MID1: variants seen among roughly 807,000 people sequenced by gnomAD.
MID1 encodes the protein midline 1.
In MID1, 7 loss-of-function variants were observed where a neutral mutation model predicts 40.4. That is an observed-to-expected ratio of 0.17 (90% confidence interval 0.10 to 0.33). MID1 has a LOEUF of 0.33. Among genes scored for constraint, MID1 ranks in the 10% least tolerant of loss-of-function variants. MID1 has a pLI of 1.00. For missense variants in MID1, 367 were observed against 558.5 expected (o/e 0.66, Z 3.46); for synonymous variants, 229 against 221.2 (o/e 1.04, Z -0.31).
At chrX:10,756,311 C>T (rs962481272) in intron 1 of MID1, among the ~76,000 whole-genome samples, 5 of 112,196 alleles carry the variant, frequency 4.5e-5, no homozygotes, top group African/African-American at 1.6e-4. Context: ...CATACACAAG[C>T]GAGCAATGAA....
chrX:10,508,795 A>T (rs944906968), intron 3 of MID1, among the ~76,000 whole-genome samples: 35 of 112,026 alleles, frequency 3.1e-4, no homozygotes, highest in African/African-American at 9.7e-5. Flanking sequence ...GGAGACAGAA[A>T]TACCGAAGCC....
rs185045135 is a variant in MID1 at position 10,489,738 on chromosome X, C to T, written c.864+5846G>A. On this transcript the variant is annotated intron_variant, in intron 4 of 9. Coordinates refer to ENST00000317552, the MANE Select transcript of MID1 (RefSeq NM_000381.4). Reference sequence around the variant, plus strand: ...TGAGACAGAGTCTCTCTCTGTCGCCCGGGCCGGAGTGCAGTGGCGCAATCT... The same window carrying T: ...TGAGACAGAGTCTCTCTCTGTCGCCTGGGCCGGAGTGCAGTGGCGCAATCT... 2.7e-4 allele frequency among the ~76,000 whole-genome samples: 29 copies of T among 105,660 alleles called. 1 individual carries two copies. Among genetic ancestry groups the T allele is most frequent in the Admixed American group, 2.3e-3 (23 of 9,980 alleles). The allele number at this position is 105,660 out of a possible 115,157, so 91.8% of individuals were successfully genotyped here. A position where few individuals can be genotyped will look rare whatever the true frequency, so the allele number is the denominator to read the frequency against.
At position 10,446,137 on chromosome X, in the gene MID1, G is replaced by T. The variant is rs1928028740; in HGVS notation, c.*3231C>A. The T allele has an allele frequency of 9.0e-6, 1 of 111,180 alleles. No individual in the cohort carries two copies. The highest frequency in any genetic ancestry group is 1.9e-5 in the Non-Finnish European group (1 of 53,023). 9.2% of individuals were successfully genotyped at this position (111,180 alleles called of 1,213,427 possible). A position where few individuals can be genotyped will look rare whatever the true frequency, so the allele number is the denominator to read the frequency against. On this transcript the variant is annotated 3_prime_UTR_variant, in exon 10 of 10. Transcript: ENST00000317552. The stretch of plus-strand genomic sequence containing the variant: ...ATTGCATTGCCAAATGTCTCCTGGG[G>T]GGCAAAATCGAGCACTGGTTGAGAA...
At chrX:10,668,507 T>C (rs1304815261) in intron 1 of MID1, among the ~76,000 whole-genome samples, 1 of 112,417 alleles carries the variant, frequency 8.9e-6, no homozygotes. Context: ...AAAAGACGGA[T>C]GATTTCCTTT....
At chrX:10,747,996 A>G (rs935060759) in intron 1 of MID1, among the ~76,000 whole-genome samples, 6 of 110,704 alleles carry the variant, frequency 5.4e-5, no homozygotes. Flanking sequence ...TAGGCATGTC[A>G]ATTTTCAATC....
At chrX:10,548,768 T>G (rs1443713989) in intron 2 of MID1, among the ~76,000 whole-genome samples, 1 of 111,734 alleles carries the variant, frequency 8.9e-6, no homozygotes, top group Non-Finnish European at 1.9e-5. Flanking sequence ...GTGATGGCTT[T>G]CTTTCCACTT....
chrX:10,615,557 T>C (rs1935825289), intron 1 of MID1, among the ~76,000 whole-genome samples: 1 of 111,685 alleles, frequency 9.0e-6, no homozygotes, highest in Admixed American at 9.5e-5. Context: ...TTATTTTCTT[T>C]GGTCTGGTTT....
At chrX:10,451,190 C>G (rs1247615222) in intron 9 of MID1, among the ~76,000 whole-genome samples, 1 of 111,934 alleles carries the variant, frequency 8.9e-6, no homozygotes, top group Non-Finnish European at 1.9e-5. Flanking sequence ...TCCCGTCCAT[C>G]CTCTCCTGCT....
chrX:10,649,888 C>T (rs963552211), intron 1 of MID1, among the ~76,000 whole-genome samples: 5 of 112,041 alleles, frequency 4.5e-5, no homozygotes, highest in African/African-American at 1.3e-4. Flanking sequence ...GAACACTTAA[C>T]GTGTCAATCT....
intron 1 of MID1, among the ~76,000 whole-genome samples, chrX:10,787,609 A>G (rs1167232807): frequency 1.3e-5 from 1 of 79,995 alleles, no homozygotes; most frequent in East Asian, 4.3e-4. Context: ...TAGAGACAAG[A>G]TCTCACTATA....
intron 1 of MID1, among the ~76,000 whole-genome samples, chrX:10,568,658 G>A (rs1934640020): frequency 9.0e-6 from 1 of 110,799 alleles, no homozygotes; most frequent in South Asian, 3.9e-4. Flanking sequence ...TGCTAGCTAT[G>A]TTGCTCTCCT....
intron 1 of MID1, among the ~76,000 whole-genome samples, chrX:10,830,335 T>C: frequency 8.9e-6 from 1 of 112,534 alleles, no homozygotes; most frequent in Non-Finnish European, 1.9e-5. Flanking sequence ...GATTTCTCTT[T>C]GCAGAAATGC....
At chrX:10,646,971 A>C (rs1936268402) in intron 1 of MID1, among the ~76,000 whole-genome samples, 1 of 111,857 alleles carries the variant, frequency 8.9e-6, no homozygotes, top group African/African-American at 3.2e-5. Flanking sequence ...GATTTTAACA[A>C]TATCTTAATT....
rs778731107 is a variant in MID1, at chrX:10,729,550, C to T, written c.-187+104004G>A. Among the ~76,000 whole-genome samples the T allele has an allele frequency of 3.6e-5, 4 of 111,786 alleles. No homozygotes were observed. In the East Asian group the frequency reaches 1.1e-3, roughly 31 times the overall value. On this transcript the variant is annotated intron_variant, in intron 1 of 10. Transcript: ENST00000380785. The stretch of plus-strand genomic sequence containing the variant: ...TATAAATGAAGCTATAATAATGAAG[C>T]CTCATCCAGATGGTACTCGAATCCA...
intron 1 of MID1, among the ~76,000 whole-genome samples, chrX:10,721,389 C>G (rs965685030): frequency 9.1e-6 from 1 of 109,567 alleles, no homozygotes; most frequent in Admixed American, 9.8e-5. Context: ...TCCTTTGGGT[C>G]CTTTGGATTC....
rs1414198470 is a variant in MID1, at chrX:10,451,792, T to TCTGCCATGATTGTGGG, written c.1656-2092_1656-2077dup. Reference sequence around the variant, plus strand: ...AGACGGGACTTGTTCCTCCTTGCCTTCTGCCATGATTGTGGGCTTTCCCAG... The same window carrying TCTGCCATGATTGTGGG: ...AGACGGGACTTGTTCCTCCTTGCCTTCTGCCATGATTGTGGGCTGCCATGATTGTGGGCTTTCCCAG... On this transcript the variant is annotated intron_variant, in intron 9 of 9. Coordinates refer to ENST00000317552, the MANE Select transcript of MID1 (RefSeq NM_000381.4). 4.5e-5 allele frequency among the ~76,000 whole-genome samples: 5 copies of TCTGCCATGATTGTGGG among 111,878 alleles called. No individual in the cohort carries two copies. In the Admixed American group the frequency reaches 4.7e-4, roughly 11 times the overall value.
intron 1 of MID1, among the ~76,000 whole-genome samples, chrX:10,817,794 CT>C (rs1159529496): frequency 1.8e-5 from 2 of 108,991 alleles, no homozygotes; most frequent in African/African-American, 6.7e-5. Flanking sequence ...AATTTTTGTA[CT>C]TTTAGTAGAG....
Position 10,495,474 on chromosome X carries a change from T to C in MID1, c.864+110A>G, listed in dbSNP as rs765879293. On this transcript the variant is annotated intron_variant, in intron 4 of 9. Coordinates refer to ENST00000317552, the MANE Select transcript of MID1 (RefSeq NM_000381.4). ...GTCTTAAAGACTTAAGAGGGAATTA[T>C]AGAATGTATAGAAAAAGAGGGTTCT... The C allele has an allele frequency of 1.5e-5, 9 of 606,471 alleles. No individual in the cohort carries two copies. In the Middle Eastern group the frequency reaches 9.5e-4, roughly 64 times the overall value. 50.0% of individuals were successfully genotyped at this position (606,471 alleles called of 1,213,427 possible). A position where few individuals can be genotyped will look rare whatever the true frequency, so the allele number is the denominator to read the frequency against.
rs753879010 is a variant in MID1 at position 10,576,118 on chromosome X, A to AATT, written c.-56-8518_-56-8516dup. On this transcript the variant is annotated intron_variant, in intron 1 of 9. Transcript: ENST00000317552. ...ACATTTCTTCTTTAAGAAGTGCTGA[A>AATT]ATTATTATTATTATTATTATTTTTT... Among the ~76,000 whole-genome samples the AATT allele has an allele frequency of 1.4e-3, 157 of 109,820 alleles. 1 individual carries two copies. The highest frequency in any genetic ancestry group is 5.9e-3 in the Admixed American group (60 of 10,219).
Sources: allele counts gnomAD v4.1 joint callset (sites outside exome capture counted in the v4.1 genomes callset), GRCh38; gene constraint gnomAD v4.1.1; transcripts MANE v1.5; gene names NCBI Gene and HGNC (gene_info 2026-07-23, HGNC 2026-07-21).